Variants in PCDHA2 observed in about 807,000 individuals in gnomAD.
The protein encoded by PCDHA2 is protocadherin alpha-2.
Under a neutral mutation model 66.0 loss-of-function variants are expected in PCDHA2, and 58 were observed. The observed-to-expected ratio is 0.88, with a 90% CI of 0.71 to 1.09. PCDHA2 has a LOEUF of 1.09. Among genes scored for constraint, PCDHA2 ranks in the 50% least tolerant of loss-of-function variants. The pLI is 0.00. For synonymous variants in PCDHA2, 634 were observed against 554.0 expected (o/e 1.14, Z -2.03); for missense variants, 1,267 against 1,242.3 (o/e 1.02, Z -0.30).
chr5:140,980,614 G>T (rs2153822225), intron 2 of PCDHA2, among the ~76,000 whole-genome samples: 1 of 152,088 alleles, frequency 6.6e-6, no homozygotes, highest in Admixed American at 6.5e-5. Context: ...TGGCGACAGT[G>T]CGAGACTCTG....
At chr5:140,836,372 C>T (rs2150258931) in intron 1 of PCDHA2, 5 of 1,613,738 alleles carry the variant, frequency 3.1e-6, no homozygotes, top group East Asian at 4.5e-5. Flanking sequence ...CAGCCACAGC[C>T]ACCGTGCTGG....
intron 1 of PCDHA2, among the ~76,000 whole-genome samples, chr5:140,897,960 T>C (rs2066423336): frequency 6.6e-6 from 1 of 152,276 alleles, no homozygotes; most frequent in South Asian, 2.1e-4. Flanking sequence ...CATTTTTTCA[T>C]GTGTCTTTTG....
intron 1 of PCDHA2, chr5:140,809,743 T>C (rs1764534242): frequency 1.5e-6 from 1 of 678,722 alleles, no homozygotes; most frequent in Non-Finnish European, 2.4e-6. Flanking sequence ...CAATATATAT[T>C]GCCTTCCTTC....
chr5:140,971,420 TGAA>T (rs782149033), intron 1 of PCDHA2, among the ~76,000 whole-genome samples: 3 of 152,112 alleles, frequency 2.0e-5, no homozygotes, highest in Non-Finnish European at 4.4e-5. Flanking sequence ...GGAAATCCAG[TGAA>T]GAACCCCAAG....
chr5:140,801,818 G>C (rs1762792800), intron 1 of PCDHA2: 1 of 1,614,078 alleles, frequency 6.2e-7, no homozygotes. Context: ...ACACTCCTAA[G>C]CATTATTTAC....
chr5:140,850,370 G>A (rs141414972), intron 1 of PCDHA2: 2 of 1,597,812 alleles, frequency 1.3e-6, no homozygotes, highest in African/African-American at 2.7e-5. Context: ...TCCGCGTGGG[G>A]CTGTACACGG....
intron 1 of PCDHA2, chr5:140,863,488 A>C (rs1554158271): frequency 4.4e-6 from 2 of 451,898 alleles, no homozygotes; most frequent in African/African-American, 2.0e-5. Flanking sequence ...CCCAAGGTCA[A>C]CATTACGGCT....
intron 1 of PCDHA2, chr5:140,850,590 TA>T: frequency 6.3e-7 from 1 of 1,598,434 alleles, no homozygotes; most frequent in Non-Finnish European, 8.6e-7. Flanking sequence ...TGTCAACGTG[TA>T]CCTGATCATC....
chr5:140,849,038 C>A, intron 1 of PCDHA2: 2 of 1,575,008 alleles, frequency 1.3e-6, no homozygotes, highest in Non-Finnish European at 1.7e-6. Context: ...TCTTCCTGGA[C>A]GTGCCAACCA....
intron 1 of PCDHA2, chr5:140,969,304 C>A (rs782271875): frequency 9.3e-6 from 15 of 1,614,042 alleles, no homozygotes; most frequent in African/African-American, 1.3e-5. Flanking sequence ...TGATTATTCT[C>A]AAAAATGAGG....
intron 1 of PCDHA2, chr5:140,930,241 C>T (rs2086688232): frequency 1.3e-5 from 2 of 152,148 alleles, no homozygotes; most frequent in African/African-American, 2.4e-5. Context: ...ATCCAAAGTC[C>T]ATTCAACTTG....
At chr5:140,922,288 T>C (rs2080761283) in intron 1 of PCDHA2, among the ~76,000 whole-genome samples, 1 of 152,150 alleles carries the variant, frequency 6.6e-6, no homozygotes, top group African/African-American at 2.4e-5. Context: ...GATATGAAAA[T>C]GCTAGGAGAG....
chr5:140,875,252 C>T, intron 1 of PCDHA2: 1 of 1,041,204 alleles, frequency 9.6e-7, no homozygotes, highest in East Asian at 2.7e-5. Context: ...TAATCAGTCA[C>T]ATGATGTCGC....
intron 1 of PCDHA2, chr5:140,883,984 C>G: frequency 6.2e-7 from 1 of 1,612,820 alleles, no homozygotes; most frequent in East Asian, 2.2e-5. Flanking sequence ...GGGCTGGCAG[C>G]GCGGGAGGCA....
intron 1 of PCDHA2, chr5:140,797,604 C>A: frequency 2.0e-6 from 1 of 505,698 alleles, no homozygotes; most frequent in Non-Finnish European, 3.5e-6. Flanking sequence ...GACCATGAAA[C>A]ACTGAAAAAC....
chr5:141,009,178 G>A (rs1233603015), intron 3 of PCDHA2, among the ~76,000 whole-genome samples: 1 of 152,212 alleles, frequency 6.6e-6, no homozygotes, highest in African/African-American at 2.4e-5. Context: ...GCCTTGGCTG[G>A]GTGTGGTAGC....
intron 1 of PCDHA2, chr5:140,929,120 A>G (rs781922658): frequency 6.2e-7 from 1 of 1,614,062 alleles, no homozygotes; most frequent in East Asian, 2.2e-5. Flanking sequence ...GCCACCATAG[A>G]TGTCACTACA....
intron 3 of PCDHA2, among the ~76,000 whole-genome samples, chr5:140,999,135 C>T (rs2097848218): frequency 6.6e-6 from 1 of 152,180 alleles, no homozygotes; most frequent in Non-Finnish European, 1.5e-5. Context: ...GAAAATGTCA[C>T]AGCCGGAAGT....
chr5:140,832,598 C>T (rs2150202655), intron 1 of PCDHA2, among the ~76,000 whole-genome samples: 1 of 152,134 alleles, frequency 6.6e-6, no homozygotes, highest in African/African-American at 2.4e-5. Flanking sequence ...AGAACTATAG[C>T]GTTGCTAGTG....
Sources: gnomAD v4.1 joint callset for allele counts (sites outside exome capture counted in the v4.1 genomes callset) on GRCh38, gnomAD v4.1.1 for gene constraint, MANE v1.5 for transcripts, NCBI Gene and HGNC (gene_info 2026-07-23, HGNC 2026-07-21) for gene names.